URB2: variants seen among roughly 807,000 people sequenced by gnomAD.
URB2 encodes the protein URB2 ribosome biogenesis homolog.
A neutral mutation model predicts 120.9 loss-of-function variants in URB2; 86 were observed. That is an observed-to-expected ratio of 0.71 (90% confidence interval 0.60 to 0.85). The LOEUF is 0.85. Among genes scored for constraint, URB2 ranks in the 40% least tolerant of loss-of-function variants. The pLI is 0.00. For synonymous variants in URB2, 755 were observed against 758.4 expected, an observed-to-expected ratio of 1.00 and a Z score of 0.07; for missense variants, 1,765 against 1,836.5, an observed-to-expected ratio of 0.96 and a Z score of 0.71.
rs1400564281 is a variant in URB2, at chr1:229,635,278, A to G, written c.665A>G (p.Gln222Arg). The change falls in exon 4 of 10, where the codon CAG becomes CGG. Residue 222 changes from glutamine to arginine, a missense_variant. Coordinates refer to ENST00000258243, the MANE Select transcript of URB2 (RefSeq NM_014777.4). ...LSGGTWTQAG[Q>R]GQLRQVLSRD... ...GGGGGCACATGGACGCAGGCTGGCCAGGGCCAGCTGAGGCAGGTGCTGAGC... is the reference window on the plus strand; with the variant it reads ...GGGGGCACATGGACGCAGGCTGGCCGGGGCCAGCTGAGGCAGGTGCTGAGC... 1.9e-6 allele frequency: 3 copies of G among 1,614,114 alleles called. No individual in the cohort carries two copies. Among genetic ancestry groups the G allele is most frequent in the Middle Eastern group, 1.6e-4 (1 of 6,084 alleles).
At chr1:229,654,890 G>A (rs917126316) in intron 9 of URB2, among the ~76,000 whole-genome samples, 1 of 152,202 alleles carries the variant, frequency 6.6e-6, no homozygotes, top group African/African-American at 2.4e-5. Flanking sequence ...TCTTGCTCTA[G>A]CACAAACTTC....
intron 7 of URB2, among the ~76,000 whole-genome samples, chr1:229,649,693 C>T (rs573400010): frequency 6.6e-6 from 1 of 152,260 alleles, no homozygotes; most frequent in East Asian, 1.9e-4. Flanking sequence ...CCAGAATCCT[C>T]TTAGGTGCAT....
At chr1:229,652,384 G>A (rs976046709) in intron 8 of URB2, among the ~76,000 whole-genome samples, 7 of 152,172 alleles carry the variant, frequency 4.6e-5, no homozygotes, top group African/African-American at 1.2e-4. Context: ...GGGCCGACTG[G>A]AAATACAGGA....
chr1:229,648,661 A>G (rs536206366), intron 7 of URB2, among the ~76,000 whole-genome samples: 2 of 152,366 alleles, frequency 1.3e-5, no homozygotes, highest in East Asian at 3.9e-4. Flanking sequence ...GTGCCGCCAA[A>G]TAATTTGACC....
chr1:229,628,641 T>G (rs964943049), intron 2 of URB2, among the ~76,000 whole-genome samples: 1 of 152,170 alleles, frequency 6.6e-6, no homozygotes. Flanking sequence ...TTGGATAAAT[T>G]GAAGGTTGGG....
At chr1:229,651,908 G>A (rs1039847717) in intron 8 of URB2, among the ~76,000 whole-genome samples, 9 of 152,156 alleles carry the variant, frequency 5.9e-5, no homozygotes, top group Non-Finnish European at 1.0e-4. Flanking sequence ...CTGGCCGGGC[G>A]CAGTGGCTCA....
At chr1:229,639,917 GC>G (rs1292712459) in intron 4 of URB2, among the ~76,000 whole-genome samples, 2 of 152,142 alleles carry the variant, frequency 1.3e-5, no homozygotes, top group African/African-American at 4.8e-5. Context: ...GGGTTACTAT[GC>G]AGCCGTTAAA....
chr1:229,659,972 A>G lies in URB2; in HGVS notation c.*675A>G, dbSNP rs912817049. On this transcript the variant is annotated 3_prime_UTR_variant, in exon 10 of 10. Transcript: ENST00000258243. ...CTATGCAGTTTAAGAAATAATCCTA[A>G]TTGTTTTTTCTTATTACCTAAGCAA... The G allele has an allele frequency of 1.3e-5, 2 of 152,172 alleles. No homozygotes were observed. Among genetic ancestry groups the G allele is most frequent in the Admixed American group, 1.3e-4 (2 of 15,278 alleles). 9.4% of individuals were successfully genotyped at this position (152,172 alleles called of 1,614,324 possible).
At position 229,643,709 on chromosome 1, in the gene URB2, C is replaced by T. The variant is rs775856998; in HGVS notation, c.3795+16C>T. ...AGATGTGCAGGTGGGTGCCTTCTCC[C>T]TCCTTGTGTGGCAGGCTCAGAAACC... On this transcript the variant is annotated intron_variant, in intron 5 of 9. Coordinates refer to ENST00000258243, the MANE Select transcript of URB2 (RefSeq NM_014777.4). 1.2e-5 allele frequency: 20 copies of T among 1,604,332 alleles called. No individual in the cohort carries two copies. In the African/African-American group the frequency reaches 2.3e-4, roughly 18 times the overall value.
In URB2 at chr1:229,627,866, G is replaced by A. The variant is rs145291606; in HGVS notation, c.126+107G>A. 4.7e-4 allele frequency: 638 copies of A among 1,355,004 alleles called. 4 individuals carry two copies. In the African/African-American group the frequency reaches 9.0e-3, roughly 19 times the overall value. 83.9% of individuals were successfully genotyped at this position (1,355,004 alleles called of 1,614,324 possible). A position where few individuals can be genotyped will look rare whatever the true frequency, so the allele number is the denominator to read the frequency against. ...AAAATAAAAAAATAGAGAAAAAGTT[G>A]GGGAGGGAACTTTGTTGGAAGTTAA... On this transcript the variant is annotated intron_variant, in intron 2 of 9. Coordinates refer to ENST00000258243, the MANE Select transcript of URB2 (RefSeq NM_014777.4).
At chr1:229,651,889 T>C (rs1248187427) in intron 8 of URB2, among the ~76,000 whole-genome samples, 1 of 152,106 alleles carries the variant, frequency 6.6e-6, no homozygotes, top group African/African-American at 2.4e-5. Flanking sequence ...TTTATTATTT[T>C]AAAAATTGCT....
In URB2 at chr1:229,635,665, CA is replaced by C. The variant is rs1156539221; in HGVS notation, c.1053del (p.Asp352IlefsTer13). 2.3e-5 allele frequency: 37 copies of C among 1,614,046 alleles called. No individual in the cohort carries two copies. The Admixed American group carries it at 6.2e-4, about 27-fold the overall frequency. Reference sequence around the variant, plus strand: ...GAGCAGAGCAAAGCCCTGTCCACATCAGATTGGACCACAGAGCTTTTGGTTG... The same window carrying C: ...GAGCAGAGCAAAGCCCTGTCCACATCGATTGGACCACAGAGCTTTTGGTTG... ...QEEQSKALST[S>X]DWTTELLVVE... On this transcript the variant is annotated frameshift_variant, in exon 4 of 10. Coordinates refer to ENST00000258243, the MANE Select transcript of URB2 (RefSeq NM_014777.4). LOFTEE classifies it high-confidence loss of function.
intron 4 of URB2, among the ~76,000 whole-genome samples, chr1:229,642,879 A>G (rs1421344595): frequency 6.6e-6 from 1 of 152,222 alleles, no homozygotes; most frequent in Non-Finnish European, 1.5e-5. Context: ...AAAATCTTGT[A>G]TTACTTTTGA....
chr1:229,635,244 T>TTAC lies in URB2; in HGVS notation c.633_635dup (p.Leu212dup). The TTAC allele has an allele frequency of 6.2e-7, 1 of 1,614,220 alleles. No individual in the cohort carries two copies. The highest frequency in any genetic ancestry group is 1.7e-5 in the Admixed American group (1 of 60,034). On this transcript the variant is annotated inframe_insertion, in exon 4 of 10. Coordinates refer to ENST00000258243, the MANE Select transcript of URB2 (RefSeq NM_014777.4). ...CCAGCCGTGCCTGGTCCTGAGGCAC[T>TTAC]TACTCTCTGGGGGCACATGGACGCA...
chr1:229,643,395 A>G (rs1666059466), intron 4 of URB2, 138 bp from the exon 5 acceptor site: 7 of 927,752 alleles, frequency 7.5e-6, no homozygotes, highest in Non-Finnish European at 1.1e-5. Flanking sequence ...TGCTTTTTCC[A>G]CCAGTGCTTA....
At chr1:229,651,366 A>C (rs139716792) in intron 8 of URB2, 44 bp downstream of exon 8, 11 of 1,561,374 alleles carry the variant, frequency 7.0e-6, no homozygotes, top group African/African-American at 1.4e-5. Context: ...TATATTCATC[A>C]TGAGGTGTGG....
In URB2 at chr1:229,636,058, C is replaced by T; in HGVS notation, c.1445C>T (p.Ala482Val). 6.2e-7 allele frequency: 1 copy of T among 1,614,204 alleles called. No individual in the cohort carries two copies. The highest frequency in any genetic ancestry group is 8.5e-7 in the Non-Finnish European group (1 of 1,180,026). The change falls in exon 4 of 10, where the codon GCT (alanine) becomes GTT (valine). Residue 482 changes from alanine (A) to valine (V), a missense_variant. Transcript: ENST00000258243. ...EVLGVICRPA[A>V]EALRQPVLAS... ...TTGGGGGTGATCTGTCGTCCAGCTG[C>T]TGAGGCACTGAGGCAGCCTGTGCTG...
intron 9 of URB2, among the ~76,000 whole-genome samples, chr1:229,656,673 A>T (rs1434106463): frequency 1.3e-5 from 2 of 152,174 alleles, no homozygotes; most frequent in Non-Finnish European, 2.9e-5. Context: ...TGCAGAGTTG[A>T]GTATTGCTGG....
chr1:229,628,171 A>G (rs147221346), intron 2 of URB2, among the ~76,000 whole-genome samples: 3,416 of 143,538 alleles, frequency 0.024, 171 homozygotes, highest in African/African-American at 0.082. Context: ...TGTATAGTAT[A>G]TATGTATATA....
Sources: allele counts gnomAD v4.1 joint callset (sites outside exome capture counted in the v4.1 genomes callset), GRCh38; gene constraint gnomAD v4.1.1; transcripts MANE v1.5; gene names NCBI Gene and HGNC (gene_info 2026-07-23, HGNC 2026-07-21).